Variants in DMD observed in about 807,000 individuals in gnomAD.
The protein encoded by DMD is mutant dystrophin.
Under a neutral mutation model 330.1 loss-of-function variants are expected in DMD, and 63 were observed. The observed-to-expected ratio is 0.19, with a 90% CI of 0.16 to 0.24. The LOEUF (loss-of-function observed/expected upper bound fraction) is 0.24, where lower values mean the gene tolerates loss of function less well. Among genes scored for constraint, DMD ranks in the 10% least tolerant of loss-of-function variants. DMD has a pLI of 1.00. For synonymous variants in DMD, 1,223 were observed against 959.8 expected, an observed-to-expected ratio of 1.27 and a Z score of -5.07; for missense variants, 3,344 against 2,684.1, an observed-to-expected ratio of 1.25 and a Z score of -5.43.
At chrX:32,040,919 C>T (rs1026776497) in intron 44 of DMD, among the ~76,000 whole-genome samples, 1 of 111,145 alleles carries the variant, frequency 9.0e-6, no homozygotes, top group Non-Finnish European at 1.9e-5. Context: ...CAGACAAAAC[C>T]GTGCATCCAT....
At chrX:33,337,796 G>A (rs17283561) in intron 1 of DMD, among the ~76,000 whole-genome samples, 3,703 of 111,537 alleles carry the variant, frequency 0.033, 63 homozygotes, top group Admixed American at 0.061. Context: ...AGAGGAATAC[G>A]TAATTGAAAA....
intron 51 of DMD, among the ~76,000 whole-genome samples, chrX:31,744,709 A>G (rs2087677373): frequency 8.9e-6 from 1 of 112,434 alleles, no homozygotes; most frequent in African/African-American, 3.2e-5. Context: ...TGCCTGGTAC[A>G]TACTCCTCCT....
intron 64 of DMD, among the ~76,000 whole-genome samples, chrX:31,222,762 G>C (rs1177178401): frequency 8.9e-6 from 1 of 111,919 alleles, no homozygotes; most frequent in African/African-American, 3.3e-5. Flanking sequence ...TTTCACAAAG[G>C]TAATTATGGA....
At chrX:32,612,075 T>C (rs1008453067) in intron 12 of DMD, among the ~76,000 whole-genome samples, 2 of 110,903 alleles carry the variant, frequency 1.8e-5, no homozygotes, top group Non-Finnish European at 1.9e-5. Context: ...AATGGTTTAT[T>C]TGGAGGGTGA....
At chrX:31,560,263 C>G (rs2075121025) in intron 55 of DMD, among the ~76,000 whole-genome samples, 1 of 111,645 alleles carries the variant, frequency 9.0e-6, no homozygotes, top group South Asian at 3.8e-4. Context: ...AAAATGCCAA[C>G]AAACCCCCAA....
chrX:32,033,004 T>C (rs1180388980), intron 44 of DMD, among the ~76,000 whole-genome samples: 3 of 112,464 alleles, frequency 2.7e-5, no homozygotes, highest in African/African-American at 9.7e-5. Context: ...CATTGGCAGA[T>C]GAATAGATAA....
chrX:31,736,619 T>C (rs777684881), intron 51 of DMD, among the ~76,000 whole-genome samples: 1 of 112,151 alleles, frequency 8.9e-6, no homozygotes, highest in African/African-American at 3.2e-5. Context: ...CTAGTACACA[T>C]AGACAAATAA....
At chrX:32,579,553 A>G (rs1569240732) in intron 13 of DMD, among the ~76,000 whole-genome samples, 1 of 112,569 alleles carries the variant, frequency 8.9e-6, no homozygotes, top group African/African-American at 3.2e-5. Context: ...TACACAACCT[A>G]CAGTGAGATA....
chrX:32,788,981 G>C (rs893437578), intron 7 of DMD, among the ~76,000 whole-genome samples: 1 of 111,687 alleles, frequency 9.0e-6, no homozygotes, highest in Non-Finnish European at 1.9e-5. Context: ...GCAGGCAAAA[G>C]AAGAAATAAA....
intron 73 of DMD, among the ~76,000 whole-genome samples, chrX:31,170,018 T>C (rs1197012256): frequency 8.9e-6 from 1 of 112,244 alleles, no homozygotes; most frequent in Admixed American, 9.5e-5. Context: ...AAAAAATACC[T>C]TGCAGCTCTA....
intron 47 of DMD, among the ~76,000 whole-genome samples, chrX:31,891,604 C>T (rs1340564540): frequency 9.0e-6 from 1 of 111,686 alleles, no homozygotes; most frequent in Non-Finnish European, 1.9e-5. Flanking sequence ...ATTTGTGTCC[C>T]CAAGTAAATT....
At chrX:32,302,522 T>G (rs1298850167) in intron 42 of DMD, among the ~76,000 whole-genome samples, 10 of 111,671 alleles carry the variant, frequency 9.0e-5, no homozygotes, top group African/African-American at 3.2e-4. Flanking sequence ...TTAAAGTTTT[T>G]TTAGCTTTAG....
At chrX:32,438,087 T>C (rs983499880) in intron 29 of DMD, among the ~76,000 whole-genome samples, 154 bp downstream of exon 29, 1 of 112,482 alleles carries the variant, frequency 8.9e-6, no homozygotes, top group Admixed American at 9.4e-5. Flanking sequence ...ATAATACACA[T>C]GTAAAGAATT....
intron 2 of DMD, among the ~76,000 whole-genome samples, chrX:33,013,440 G>A (rs888026636): frequency 9.0e-6 from 1 of 111,238 alleles, no homozygotes; most frequent in Non-Finnish European, 1.9e-5. Context: ...AAAGTCTTGT[G>A]CAGGCTGCTC....
chrX:31,384,201 G>A (rs1391735504), intron 60 of DMD, among the ~76,000 whole-genome samples: 1 of 111,503 alleles, frequency 9.0e-6, no homozygotes, highest in Non-Finnish European at 1.9e-5. Flanking sequence ...TCTCCCATGA[G>A]GGGTGGAACT....
chrX:33,060,979 G>A (rs1267024661), intron 1 of DMD, among the ~76,000 whole-genome samples: 1 of 112,100 alleles, frequency 8.9e-6, no homozygotes, highest in Non-Finnish European at 1.9e-5. Context: ...TCAGGGTTGA[G>A]TTGTGACTCG....
intron 2 of DMD, among the ~76,000 whole-genome samples, chrX:32,961,830 G>A (rs1215867221): frequency 9.0e-6 from 1 of 111,346 alleles, no homozygotes; most frequent in Non-Finnish European, 1.9e-5. Flanking sequence ...CCCTCTTAAT[G>A]ATAGCAAGAA....
At chrX:32,683,648 TG>T (rs1451303105) in intron 9 of DMD, among the ~76,000 whole-genome samples, 1 of 38,964 alleles carries the variant, frequency 2.6e-5, no homozygotes. Context: ...CGTAGTGGGG[TG>T]GGGGGAGGGG....
chrX:32,803,673 T>C (rs2076748457), intron 7 of DMD, among the ~76,000 whole-genome samples: 1 of 112,138 alleles, frequency 8.9e-6, no homozygotes, highest in Non-Finnish European at 1.9e-5. Context: ...TTTGTTCTCA[T>C]TGGTTTCAAA....
Sources: allele counts gnomAD v4.1 joint callset (sites outside exome capture counted in the v4.1 genomes callset), GRCh38; gene constraint gnomAD v4.1.1; transcripts MANE v1.5; gene names NCBI Gene and HGNC (gene_info 2026-07-23, HGNC 2026-07-21).